UBAP2L: variants seen among roughly 807,000 people sequenced by gnomAD.
The protein encoded by UBAP2L is ubiquitin-associated protein 2-like.
In UBAP2L, 12 loss-of-function variants were observed where a neutral mutation model predicts 130.6. The observed-to-expected ratio is 0.09, with a 90% CI of 0.06 to 0.15. The LOEUF is 0.15. Ranked by LOEUF, UBAP2L falls within the 10% of genes least tolerant of loss-of-function variation. The probability of loss-of-function intolerance (pLI) is 1.00; values close to 1 mark genes in which losing one functional copy is unlikely to be tolerated. For synonymous variants in UBAP2L, 503 were observed against 524.7 expected (o/e 0.96, Z 0.57); for missense variants, 965 against 1,332.5 (o/e 0.72, Z 4.29).
intron 5 of UBAP2L, 68 bp from the exon 6 acceptor site, chr1:154,235,128 G>A: frequency 1.4e-6 from 1 of 701,740 alleles, no homozygotes; most frequent in Non-Finnish European, 2.6e-6. Context: ...CCTGTTGACT[G>A]TGCTCTGGCC....
In UBAP2L at chr1:154,246,199, A is replaced by G. The variant is rs781551576; in HGVS notation, c.843-5A>G. On this transcript the variant is annotated splice_region_variant and splice_polypyrimidine_tract_variant and intron_variant, in intron 10 of 26. Coordinates refer to ENST00000428931, the MANE Select transcript of UBAP2L (RefSeq NM_014847.4). The stretch of plus-strand genomic sequence containing the variant: ...TTCATGAAGATCCCTTCCCTTCCCC[A>G]TTAGAATTGACCTTGCTGTTCTGCT... 5.0e-6 allele frequency: 8 copies of G among 1,601,542 alleles called. No homozygotes were observed. Among genetic ancestry groups the G allele is most frequent in the East Asian group, 4.5e-5 (2 of 44,610 alleles).
At chr1:154,256,720 A>C (rs1679800634) in intron 18 of UBAP2L, among the ~76,000 whole-genome samples, 1 of 152,154 alleles carries the variant, frequency 6.6e-6, no homozygotes, top group African/African-American at 2.4e-5. Context: ...TGGGGAGAGA[A>C]AGCTGTGATA....
Position 154,237,017 on chromosome 1 carries a change from T to C in UBAP2L, c.591-7T>C, listed in dbSNP as rs775799318. ...GGTCAGAGACTCTTAAGTTTTATTT[T>C]TTCCAGAACCTTTAACCCAGCTGAT... On this transcript the variant is annotated splice_polypyrimidine_tract_variant and splice_region_variant and intron_variant, in intron 7 of 26. Transcript: ENST00000428931. The C allele has an allele frequency of 6.2e-7, 1 of 1,612,332 alleles. No homozygotes were observed. The highest frequency in any genetic ancestry group is 1.7e-5 in the Admixed American group (1 of 59,826).
At chr1:154,220,283 AGGAGGGTCTCTACTGGGTAAGAT>A (rs1179581694), upstream of UBAP2L, 8 of 1,594,844 alleles carry the variant, frequency 5.0e-6, no homozygotes, top group Non-Finnish European at 5.2e-6. Flanking sequence ...ACAGCTCAAA[AGGAGGGTCTCTACTGGGTAAGAT>A]GCGACAGCAG....
At position 154,236,505 on chromosome 1, in the gene UBAP2L, G is replaced by C. The variant is rs1671733138; in HGVS notation, c.545-61G>C. 4 of 1,585,276 alleles carry C rather than the reference G, an allele frequency of 2.5e-6. No individual in the cohort carries two copies. The South Asian group carries it at 4.4e-5, about 18-fold the overall frequency. On this transcript the variant is annotated intron_variant, in intron 6 of 26. Transcript: ENST00000428931. ...GGGAGCCACTGTGCCTGCCTGGCAA[G>C]GAAGTTTTATATCAACTTCTAAAAT...
At chr1:154,252,575 C>A (rs992560383) in intron 14 of UBAP2L, among the ~76,000 whole-genome samples, 9 of 151,666 alleles carry the variant, frequency 5.9e-5, no homozygotes, top group Non-Finnish European at 1.3e-4. Flanking sequence ...GGCACCACGC[C>A]TGGCTCAGAG....
At chr1:154,241,653 A>C in intron 9 of UBAP2L, 88 bp downstream of exon 9, 3 of 1,576,906 alleles carry the variant, frequency 1.9e-6, no homozygotes, top group Non-Finnish European at 2.6e-6. Flanking sequence ...CTACCCCTCA[A>C]AATTCACCCT....
Position 154,246,382 on chromosome 1 carries a change from A to G in UBAP2L, c.1014+7A>G. On this transcript the variant is annotated splice_region_variant and intron_variant, in intron 11 of 26. Transcript: ENST00000428931. ...ATTTTCTCATCACAGTATGGTGAGTAGGAAACGTGGTTTATCCTAATCAAA... is the reference window on the plus strand; with the variant it reads ...ATTTTCTCATCACAGTATGGTGAGTGGGAAACGTGGTTTATCCTAATCAAA... The G allele has an allele frequency of 6.2e-7, 1 of 1,609,000 alleles. No homozygotes were observed. Among genetic ancestry groups the G allele is most frequent in the Non-Finnish European group, 8.5e-7 (1 of 1,176,506 alleles).
intron 24 of UBAP2L, among the ~76,000 whole-genome samples, chr1:154,262,187 CTG>C (rs1681781983): frequency 1.3e-5 from 2 of 152,172 alleles, no homozygotes; most frequent in Admixed American, 6.5e-5. Context: ...AAGACCTAAA[CTG>C]TGGAGAAAAA....
intron 10 of UBAP2L, among the ~76,000 whole-genome samples, chr1:154,243,871 G>A (rs1420685949): frequency 6.6e-6 from 1 of 152,168 alleles, no homozygotes; most frequent in African/African-American, 2.4e-5. Flanking sequence ...ACAAAGATCA[G>A]CCTTTCATAT....
Position 154,257,230 on chromosome 1 carries a change from G to C in UBAP2L, c.2325G>C (p.Ser775=). 1 of 1,614,178 alleles carries C rather than the reference G, an allele frequency of 6.2e-7. No homozygotes were observed. Among genetic ancestry groups the C allele is most frequent in the Non-Finnish European group, 8.5e-7 (1 of 1,180,026 alleles). ...SLGSNSTVTA[S]TRSSVATTSG... is the part of the protein sequence containing the mutation. ...GCAGCAACTCCACTGTCACAGCCTC[G>C]ACTCGAAGCTCAGTTGCTACGACTT... The change falls in exon 19 of 27, where the codon TCG becomes TCC. Residue 775 remains serine (S), a synonymous_variant. Transcript: ENST00000428931.
chr1:154,234,572 A>C lies in UBAP2L; in HGVS notation c.280-19A>C. 1 of 1,613,640 alleles carries C rather than the reference A, an allele frequency of 6.2e-7. No homozygotes were observed. Among genetic ancestry groups the C allele is most frequent in the South Asian group, 1.1e-5 (1 of 90,932 alleles). Reference sequence around the variant, plus strand: ...AGCACTCCATATTGATTAGATATGAATGCTCTACCCTTCTATAGCATTCCT... The same window carrying C: ...AGCACTCCATATTGATTAGATATGACTGCTCTACCCTTCTATAGCATTCCT... On this transcript the variant is annotated intron_variant, in intron 4 of 26. Transcript: ENST00000428931.
chr1:154,257,037 C>T (rs762671402), intron 18 of UBAP2L, 26 bp from the exon 19 acceptor site: 3 of 1,604,412 alleles, frequency 1.9e-6, no homozygotes, highest in Non-Finnish European at 2.6e-6. Context: ...TTCTTCTTCT[C>T]TCTTCCACTG....
At chr1:154,242,930 T>G in intron 9 of UBAP2L, 1 of 194,780 alleles carries the variant, frequency 5.1e-6, no homozygotes. Flanking sequence ...TTTCTTTCTT[T>G]TATTTTTTTT....
chr1:154,266,886 G>T (rs1683388201), intron 25 of UBAP2L, among the ~76,000 whole-genome samples: 1 of 152,120 alleles, frequency 6.6e-6, no homozygotes, highest in African/African-American at 2.4e-5. Context: ...CTTTTCAAGA[G>T]AATAAGTATG....
chr1:154,254,134 G>A (rs756400674), intron 15 of UBAP2L, 45 bp downstream of exon 15: 11 of 1,438,546 alleles, frequency 7.6e-6, no homozygotes, highest in Non-Finnish European at 1.0e-5. Flanking sequence ...GAGAATAGTG[G>A]GCAAAAATTC....
chr1:154,253,341 A>G (rs988151804), intron 14 of UBAP2L, among the ~76,000 whole-genome samples: 2 of 151,120 alleles, frequency 1.3e-5, no homozygotes, highest in African/African-American at 2.4e-5. Context: ...GGGGGAGCCA[A>G]GGGACTTTTC....
intron 4 of UBAP2L, among the ~76,000 whole-genome samples, chr1:154,231,209 T>C (rs189166003): frequency 2.7e-5 from 4 of 150,562 alleles, no homozygotes; most frequent in African/African-American, 7.5e-5. Context: ...ACTGCAGCCA[T>C]GGACACCTGG....
At chr1:154,262,702 T>A (rs1681958062) in intron 24 of UBAP2L, among the ~76,000 whole-genome samples, 1 of 152,182 alleles carries the variant, frequency 6.6e-6, no homozygotes, top group African/African-American at 2.4e-5. Context: ...AGCTTTGAAC[T>A]GTGCTGCATG....
Sources: gnomAD v4.1 joint callset for allele counts (sites outside exome capture counted in the v4.1 genomes callset) on GRCh38, gnomAD v4.1.1 for gene constraint, MANE v1.5 for transcripts, NCBI Gene and HGNC (gene_info 2026-07-23, HGNC 2026-07-21) for gene names.